Variants in ACSL6 observed in about 807,000 individuals in gnomAD.
ACSL6 encodes long-chain-fatty-acid--CoA ligase 6.
A neutral mutation model predicts 98.2 loss-of-function variants in ACSL6; 47 were observed. The ratio of observed to expected loss-of-function variants is 0.48; its 90% confidence interval spans 0.38 to 0.61. The LOEUF is 0.61. Among genes scored for constraint, ACSL6 ranks in the 20% least tolerant of loss-of-function variants. The pLI is 0.00. For missense variants in ACSL6, 761 were observed against 913.4 expected (o/e 0.83, Z 2.15); for synonymous variants, 362 against 336.9 (o/e 1.07, Z -0.82).
At chr5:132,010,959 T>C (rs1755690553) in intron 1 of ACSL6, among the ~76,000 whole-genome samples, 1 of 152,066 alleles carries the variant, frequency 6.6e-6, no homozygotes, top group Non-Finnish European at 1.5e-5. Flanking sequence ...ACAGCAGCCC[T>C]GGGCAGAGCA....
intron 1 of ACSL6, among the ~76,000 whole-genome samples, chr5:132,004,234 T>G (rs1256782368): frequency 1.3e-5 from 2 of 151,524 alleles, no homozygotes; most frequent in Admixed American, 1.3e-4. Context: ...TTTTTTTTTT[T>G]GGCTGACTTT....
intron 17 of ACSL6, among the ~76,000 whole-genome samples, chr5:131,965,181 T>G (rs1254198242): frequency 1.3e-5 from 2 of 152,262 alleles, no homozygotes; most frequent in Non-Finnish European, 1.5e-5. Context: ...ACGTGCCTCA[T>G]TAACTCAACA....
At chr5:131,989,583 C>CTTTT (rs57391438) in intron 4 of ACSL6, 75 bp from the exon 5 acceptor site, 23 of 180,636 alleles carry the variant, frequency 1.3e-4, no homozygotes, top group South Asian at 2.1e-4. Context: ...AGGAGGAATT[C>CTTTT]TTTTTTTTTT....
chr5:131,970,441 A>C (rs759868901), intron 14 of ACSL6, among the ~76,000 whole-genome samples: 1 of 146,166 alleles, frequency 6.8e-6, no homozygotes, highest in African/African-American at 2.6e-5. Context: ...ACGGAGTCTC[A>C]CTCTGTCGCC....
chr5:131,961,684 G>A (rs1302289928), intron 18 of ACSL6, among the ~76,000 whole-genome samples: 6 of 152,020 alleles, frequency 3.9e-5, no homozygotes, highest in African/African-American at 1.4e-4. Context: ...GTGACAGAGT[G>A]AATATATTTG....
In ACSL6 at chr5:131,985,589, C is replaced by G. The variant is rs1329017632; in HGVS notation, c.865-131G>C. On this transcript the variant is annotated intron_variant, in intron 8 of 20. Coordinates refer to ENST00000651883, the MANE Select transcript of ACSL6 (RefSeq NM_001009185.3). Reference sequence around the variant, plus strand: ...TGGGTGTGAGCATGTGTTGGGCACGCCTGCATGCTCCTGTGTGCTGCGCTC... The same window carrying G: ...TGGGTGTGAGCATGTGTTGGGCACGGCTGCATGCTCCTGTGTGCTGCGCTC... The G allele has an allele frequency of 1.0e-5, 9 of 862,178 alleles. No homozygotes were observed. The African/African-American group carries it at 1.5e-4, about 14-fold the overall frequency. 53.4% of individuals were successfully genotyped at this position (862,178 alleles called of 1,614,324 possible).
intron 11 of ACSL6, among the ~76,000 whole-genome samples, chr5:131,974,517 G>A (rs1315410491): frequency 6.6e-6 from 1 of 152,244 alleles, no homozygotes; most frequent in Non-Finnish European, 1.5e-5. Flanking sequence ...GCTATCAGCT[G>A]GGGTCTCTCT....
chr5:131,992,923 T>C (rs555020603), intron 2 of ACSL6, among the ~76,000 whole-genome samples: 45 of 152,314 alleles, frequency 3.0e-4, no homozygotes, highest in Non-Finnish European at 5.6e-4. Flanking sequence ...CTCTTTTTAT[T>C]ACACACTTTA....
rs376540172 is a variant in ACSL6, at chr5:131,971,264, T to C, written c.1434+286A>G. On this transcript the variant is annotated intron_variant, in intron 14 of 20. Transcript: ENST00000651883. ...GGTATGGTACAGATTCTACCGCACA[T>C]TGATGATCTGTCTATGGTTTGTCTG... Among the ~76,000 whole-genome samples the C allele has an allele frequency of 6.6e-4, 100 of 152,292 alleles. 1 individual carries two copies. Among genetic ancestry groups the C allele is most frequent in the African/African-American group, 2.2e-3 (92 of 41,554 alleles).
In ACSL6 at chr5:131,969,590, T is replaced by C. The variant is rs745835151; in HGVS notation, c.1507+538A>G. Among the ~76,000 whole-genome samples the C allele has an allele frequency of 4.1e-4, 62 of 152,324 alleles. No individual in the cohort carries two copies. The Middle Eastern group carries it at 0.01, about 25-fold the overall frequency. On this transcript the variant is annotated intron_variant, in intron 15 of 20. Coordinates refer to ENST00000651883, the MANE Select transcript of ACSL6 (RefSeq NM_001009185.3). Reference sequence around the variant, plus strand: ...TTATAATATCAGTATATTGGATTTTTATAGATTCTAGATACTACATGGCCT... The same window carrying C: ...TTATAATATCAGTATATTGGATTTTCATAGATTCTAGATACTACATGGCCT...
intron 9 of ACSL6, among the ~76,000 whole-genome samples, chr5:131,977,547 C>A (rs1580656282): frequency 1.3e-5 from 2 of 152,180 alleles, no homozygotes; most frequent in South Asian, 4.1e-4. Context: ...TGTTTCCTTA[C>A]CTGTAAGATG....
In ACSL6 at chr5:131,976,731, G is replaced by C. The variant is rs1249407289; in HGVS notation, c.917-10C>G. ...GCACCTTTTGGGTTCCCTATAAAAA[G>C]AAAGCAAGAAGTCAAATTAGTTGGA... On this transcript the variant is annotated splice_polypyrimidine_tract_variant and intron_variant, in intron 9 of 20. Transcript: ENST00000651883. 1 of 1,613,736 alleles carries C rather than the reference G, an allele frequency of 6.2e-7. No homozygotes were observed. Among genetic ancestry groups the C allele is most frequent in the African/African-American group, 1.3e-5 (1 of 75,016 alleles).
chr5:132,010,825 G>T (rs553701601), intron 1 of ACSL6, among the ~76,000 whole-genome samples: 2 of 152,170 alleles, frequency 1.3e-5, no homozygotes, highest in African/African-American at 4.8e-5. Context: ...GTGGGTGTAT[G>T]GGGGGTTGAG....
intron 17 of ACSL6, among the ~76,000 whole-genome samples, chr5:131,965,948 A>G (rs1216895975): frequency 6.6e-6 from 1 of 152,162 alleles, no homozygotes; most frequent in East Asian, 1.9e-4. Context: ...TCAAGGTTAC[A>G]TGAGCAACTG....
chr5:131,970,110 A>G lies in ACSL6; in HGVS notation c.1507+18T>C, dbSNP rs759651670. ...ACAGTGCCTCGCGAGCCAGTCCTATATCTCTAGCCCATCCTACCTGAGGTC... is the reference window on the plus strand; with the variant it reads ...ACAGTGCCTCGCGAGCCAGTCCTATGTCTCTAGCCCATCCTACCTGAGGTC... On this transcript the variant is annotated intron_variant, in intron 15 of 20. Coordinates refer to ENST00000651883, the MANE Select transcript of ACSL6 (RefSeq NM_001009185.3). 3 of 1,613,700 alleles carry G rather than the reference A, an allele frequency of 1.9e-6. No homozygotes were observed.
At chr5:132,012,011 C>T (rs1397659277), upstream of ACSL6, 4 of 1,466,006 alleles carry the variant, frequency 2.7e-6, no homozygotes, top group East Asian at 2.7e-5. Flanking sequence ...CCCATCAACA[C>T]GCGACCCTGC....
At chr5:131,965,882 T>C (rs1291417308) in intron 17 of ACSL6, among the ~76,000 whole-genome samples, 1 of 152,194 alleles carries the variant, frequency 6.6e-6, no homozygotes, top group East Asian at 1.9e-4. Context: ...TGAAGGCTTG[T>C]TCTCCTGTTC....
chr5:131,962,825 C>T, intron 17 of ACSL6, 147 bp from the exon 18 acceptor site: 3 of 914,072 alleles, frequency 3.3e-6, no homozygotes, highest in Non-Finnish European at 1.6e-6. Flanking sequence ...TCTTAGGGAG[C>T]TGCAGGGCTC....
chr5:131,961,545 A>T lies in ACSL6; in HGVS notation c.1858-924T>A, dbSNP rs147230486. On this transcript the variant is annotated intron_variant, in intron 18 of 20. Transcript: ENST00000651883. ...CTGTCTCTACTAAAAATAAAAAAAA[A>T]ATATATCCAGGTGTGGTGGTGGGCG... Among the ~76,000 whole-genome samples the T allele has an allele frequency of 4.7e-3, 710 of 151,704 alleles. 3 individuals are homozygous for T. The highest frequency in any genetic ancestry group is 0.014 in the African/African-American group (574 of 41,412).
Sources: gnomAD v4.1 joint callset for allele counts (sites outside exome capture counted in the v4.1 genomes callset) on GRCh38, gnomAD v4.1.1 for gene constraint, MANE v1.5 for transcripts, NCBI Gene and HGNC (gene_info 2026-07-23, HGNC 2026-07-21) for gene names.